HECW1: variants seen among roughly 807,000 people sequenced by gnomAD.
HECW1 encodes the protein HECT, C2 and WW domain containing E3 ubiquitin protein ligase 1.
A neutral mutation model predicts 182.3 loss-of-function variants in HECW1; 61 were observed. The observed-to-expected ratio is 0.33, with a 90% CI of 0.27 to 0.41. The LOEUF is 0.41. HECW1 is among the 10% of genes least tolerant of loss of function. HECW1 has a pLI of 1.00. For missense variants in HECW1, 1,739 were observed against 2,108.9 expected (o/e 0.82, Z 3.44); for synonymous variants, 859 against 832.6 (o/e 1.03, Z -0.55).
rs1053207977 is a variant in HECW1 at position 43,539,949 on chromosome 7, C to T, written c.4020-1214C>T. On this transcript the variant is annotated intron_variant, in intron 24 of 29. Coordinates refer to ENST00000395891, the MANE Select transcript of HECW1 (RefSeq NM_015052.5). ...GAAGCACTGGTGGGGTACCCAGGCC[C>T]AAGGACCCATTGTCCCAGAAGCCCC... is the stretch of plus-strand genomic sequence containing the variant. 5.9e-5 allele frequency among the ~76,000 whole-genome samples: 9 copies of T among 152,202 alleles called. 1 individual carries two copies. Among genetic ancestry groups the T allele is most frequent in the Admixed American group, 3.9e-4 (6 of 15,276 alleles).
intron 2 of HECW1, among the ~76,000 whole-genome samples, chr7:43,186,999 G>C (rs1288869804): frequency 6.6e-6 from 1 of 152,218 alleles, no homozygotes; most frequent in Non-Finnish European, 1.5e-5. Context: ...CTGAGGGCAG[G>C]TGTCTAGAGT....
At chr7:43,438,643 A>G (rs2076783575) in intron 9 of HECW1, 1 of 152,264 alleles carries the variant, frequency 6.6e-6, no homozygotes, top group African/African-American at 2.4e-5. Flanking sequence ...CATGATTCTC[A>G]TGGAATGACA....
intron 8 of HECW1, among the ~76,000 whole-genome samples, chr7:43,427,994 A>C (rs943415100): frequency 2.0e-5 from 3 of 152,186 alleles, no homozygotes; most frequent in African/African-American, 7.2e-5. Context: ...GTTGTTTGGT[A>C]ATCTAATCAT....
chr7:43,210,296 A>G (rs1042137885), intron 2 of HECW1, among the ~76,000 whole-genome samples: 1 of 152,032 alleles, frequency 6.6e-6, no homozygotes, highest in East Asian at 1.9e-4. Context: ...GAAAAGGTGC[A>G]TTGTGATGAG....
chr7:43,270,648 C>CA (rs1802293913), intron 3 of HECW1, among the ~76,000 whole-genome samples: 1 of 152,068 alleles, frequency 6.6e-6, no homozygotes, highest in South Asian at 2.1e-4. Flanking sequence ...CAGGGGCTGG[C>CA]AAAAACTCTA....
chr7:43,374,493 A>T (rs1358767813), intron 6 of HECW1, among the ~76,000 whole-genome samples: 1 of 152,206 alleles, frequency 6.6e-6, no homozygotes, highest in African/African-American at 2.4e-5. Context: ...AGAACTTTTT[A>T]AAACCCAGAA....
chr7:43,561,553 A>C (rs2082208576), intron 29 of HECW1, among the ~76,000 whole-genome samples: 1 of 152,230 alleles, frequency 6.6e-6, no homozygotes, highest in Admixed American at 6.5e-5. Context: ...TAGAGTTTAT[A>C]ATCAGTTTGC....
Position 43,563,726 on chromosome 7 carries a change from G to C in HECW1, c.*1800G>C, listed in dbSNP as rs934946296. 5.7e-6 allele frequency: 1 copy of C among 175,298 alleles called. No homozygotes were observed. The highest frequency in any genetic ancestry group is 1.0e-4 in the East Asian group (1 of 10,006). The allele number at this position is 175,298 out of a possible 1,614,324, so 10.9% of individuals were successfully genotyped here. ...TCTACTAAAAATACAAAAATTAGCC[G>C]GGCGTGATGGCACATGCCGGTAGTC... On this transcript the variant is annotated 3_prime_UTR_variant, in exon 30 of 30. Coordinates refer to ENST00000395891, the MANE Select transcript of HECW1 (RefSeq NM_015052.5).
At chr7:43,259,868 T>TGA (rs1474469263) in intron 3 of HECW1, among the ~76,000 whole-genome samples, 1 of 152,086 alleles carries the variant, frequency 6.6e-6, no homozygotes, top group Non-Finnish European at 1.5e-5. Flanking sequence ...CCTAGAATAA[T>TGA]GAGAGAGAGA....
intron 6 of HECW1, among the ~76,000 whole-genome samples, chr7:43,393,051 C>T (rs1216878528): frequency 1.3e-5 from 2 of 152,150 alleles, no homozygotes; most frequent in African/African-American, 4.8e-5. Flanking sequence ...CTTCTCAATA[C>T]CCTGCAGAAT....
At chr7:43,403,632 G>A (rs1188719723) in intron 7 of HECW1, among the ~76,000 whole-genome samples, 2 of 152,092 alleles carry the variant, frequency 1.3e-5, no homozygotes, top group African/African-American at 2.4e-5. Flanking sequence ...CACAGATTTT[G>A]GGATATTGTT....
intron 6 of HECW1, among the ~76,000 whole-genome samples, chr7:43,361,808 A>ACT (rs1195454336): frequency 4.5e-5 from 6 of 134,592 alleles, no homozygotes; most frequent in African/African-American, 1.7e-4. Flanking sequence ...AATAAAAAAG[A>ACT]CTCTCTCTTT....
intron 2 of HECW1, among the ~76,000 whole-genome samples, chr7:43,176,623 AC>A: frequency 6.6e-6 from 1 of 152,154 alleles, no homozygotes; most frequent in South Asian, 2.1e-4. Context: ...GTGATAACTA[AC>A]CCCCTCCCTC....
chr7:43,323,410 G>A (rs73092851), intron 5 of HECW1, among the ~76,000 whole-genome samples: 12,688 of 152,094 alleles, frequency 0.083, 903 homozygotes, highest in African/African-American at 0.19. Flanking sequence ...CCTGGGCAAT[G>A]TGGAAAAACC....
chr7:43,424,906 G>A (rs1235962968), intron 8 of HECW1, among the ~76,000 whole-genome samples: 1 of 152,038 alleles, frequency 6.6e-6, no homozygotes, highest in African/African-American at 2.4e-5. Flanking sequence ...TCTTGTAAAA[G>A]CTTATGACAA....
At chr7:43,484,248 T>G (rs2152911563) in intron 17 of HECW1, 1 of 152,214 alleles carries the variant, frequency 6.6e-6, no homozygotes, top group East Asian at 1.9e-4. Flanking sequence ...ACCGCATAAC[T>G]AAGAGACCCA....
At chr7:43,466,329 A>G (rs1046182664) in intron 14 of HECW1, 118 bp from the exon 15 acceptor site, 33 of 1,037,032 alleles carry the variant, frequency 3.2e-5, no homozygotes, top group Non-Finnish European at 4.4e-5. Flanking sequence ...CTTGGCCTAA[A>G]TCCAACAGTC....
rs917977263 is a variant in HECW1, at chr7:43,479,866, A to G, written c.3234+122A>G. 6.3e-6 allele frequency: 7 copies of G among 1,114,458 alleles called. No homozygotes were observed. In the Admixed American group the frequency reaches 1.4e-4, roughly 23 times the overall value. 69.0% of individuals were successfully genotyped at this position (1,114,458 alleles called of 1,614,324 possible). ...TGCCTGCGCTGGAAGAGATTAAGCC[A>G]TATGCACCCTGCTTTGTAGAAGAAT... On this transcript the variant is annotated intron_variant, in intron 17 of 29. Coordinates refer to ENST00000395891, the MANE Select transcript of HECW1 (RefSeq NM_015052.5).
intron 16 of HECW1, among the ~76,000 whole-genome samples, chr7:43,477,192 A>G (rs897640698): frequency 6.6e-6 from 1 of 152,158 alleles, no homozygotes; most frequent in Non-Finnish European, 1.5e-5. Flanking sequence ...AGAGCATTAT[A>G]AAGAGGAAGA....
Sources: gnomAD v4.1 joint callset for allele counts (sites outside exome capture counted in the v4.1 genomes callset) on GRCh38, gnomAD v4.1.1 for gene constraint, MANE v1.5 for transcripts, NCBI Gene and HGNC (gene_info 2026-07-23, HGNC 2026-07-21) for gene names.